FAM13A: variants seen among roughly 807,000 people sequenced by gnomAD.
The protein encoded by FAM13A is protein FAM13A.
Under a neutral mutation model 129.6 loss-of-function variants are expected in FAM13A, and 76 were observed. That is an observed-to-expected ratio of 0.59 (90% CI 0.49 to 0.71). The LOEUF is 0.71. Among genes scored for constraint, FAM13A ranks in the 30% least tolerant of loss-of-function variants. The probability of loss-of-function intolerance (pLI) is 0.00; values close to 1 mark genes in which losing one functional copy is unlikely to be tolerated. For missense variants in FAM13A, 1,108 were observed against 1,249.3 expected (o/e 0.89, Z 1.70); for synonymous variants, 443 against 449.9 (o/e 0.98, Z 0.20).
rs1436675636 is a variant in FAM13A at position 88,727,911 on chromosome 4, C to CT, written c.*621dup. On this transcript the variant is annotated 3_prime_UTR_variant, in exon 24 of 24. Coordinates refer to ENST00000264344, the MANE Select transcript of FAM13A (RefSeq NM_014883.4). ...TGAAGAAACATCCTGAAGATGATGA[C>CT]TGCACTGCCATCGTGGGCAGATGCA... 1 of 152,672 alleles carries CT rather than the reference C, an allele frequency of 6.5e-6. No individual in the cohort carries two copies. Among genetic ancestry groups the CT allele is most frequent in the Non-Finnish European group, 1.5e-5 (1 of 68,136 alleles). The allele number at this position is 152,672 out of a possible 1,614,324, so 9.5% of individuals were successfully genotyped here.
intron 7 of FAM13A, among the ~76,000 whole-genome samples, chr4:88,808,290 G>C (rs960325811): frequency 6.6e-6 from 1 of 151,898 alleles, no homozygotes; most frequent in Non-Finnish European, 1.5e-5. Context: ...AAATGGCCAC[G>C]GACAATTCTT....
intron 14 of FAM13A, among the ~76,000 whole-genome samples, chr4:88,757,440 G>C (rs1219094636): frequency 2.0e-5 from 3 of 151,900 alleles, no homozygotes; most frequent in Non-Finnish European, 4.4e-5. Context: ...GGACTTTTTT[G>C]GGGGGAGGTG....
Position 88,805,181 on chromosome 4 carries a change from T to A in FAM13A, c.1008-129A>T. ...AAGCCAATCACATGATGGAATAAGG[T>A]TAGTAAAACATGATCCACCTCGGAC... On this transcript the variant is annotated intron_variant, in intron 7 of 23. Coordinates refer to ENST00000264344, the MANE Select transcript of FAM13A (RefSeq NM_014883.4). 3 of 624,788 alleles carry A rather than the reference T, an allele frequency of 4.8e-6. No individual in the cohort carries two copies. In the South Asian group the frequency reaches 5.7e-5, roughly 12 times the overall value. The allele number at this position is 624,788 out of a possible 1,614,324, so 38.7% of individuals were successfully genotyped here.
intron 4 of FAM13A, among the ~76,000 whole-genome samples, chr4:88,968,304 A>G (rs1010014394): frequency 1.3e-5 from 2 of 152,218 alleles, no homozygotes; most frequent in African/African-American, 4.8e-5. Flanking sequence ...CACACCTTCT[A>G]AAGTTTCAAC....
chr4:88,751,629 C>T (rs756175501), intron 14 of FAM13A, among the ~76,000 whole-genome samples: 1 of 151,180 alleles, frequency 6.6e-6, no homozygotes, highest in Admixed American at 6.6e-5. Flanking sequence ...AAAAAAAACA[C>T]GCTCAGCACA....
chr4:89,036,842 C>T (rs1268122370), intron 1 of FAM13A, among the ~76,000 whole-genome samples: 1 of 152,214 alleles, frequency 6.6e-6, no homozygotes, highest in Admixed American at 6.5e-5. Context: ...GGCCACTGCT[C>T]CAGAGGGTAC....
chr4:88,876,738 C>T (rs1202045128), intron 6 of FAM13A, among the ~76,000 whole-genome samples: 2 of 152,040 alleles, frequency 1.3e-5, no homozygotes, highest in African/African-American at 2.4e-5. Flanking sequence ...ACTACAGGTG[C>T]CTGCCACCAC....
chr4:88,782,037 T>C (rs1723055790), intron 10 of FAM13A, among the ~76,000 whole-genome samples: 1 of 151,844 alleles, frequency 6.6e-6, no homozygotes, highest in Non-Finnish European at 1.5e-5. Context: ...AAGAAATGTG[T>C]ATTTCAATCT....
At chr4:88,828,045 T>C (rs1733312690) in intron 7 of FAM13A, among the ~76,000 whole-genome samples, 1 of 152,234 alleles carries the variant, frequency 6.6e-6, no homozygotes, top group Non-Finnish European at 1.5e-5. Context: ...TTGCTCATGC[T>C]GTTCCCTCTG....
chr4:88,832,285 T>C (rs374231185), intron 7 of FAM13A, among the ~76,000 whole-genome samples: 154 of 152,268 alleles, frequency 1.0e-3, no homozygotes, highest in African/African-American at 3.3e-3. Flanking sequence ...ATAAAATCCC[T>C]AGAAGAAAAT....
chr4:88,745,341 T>C (rs1741098782), intron 19 of FAM13A, among the ~76,000 whole-genome samples: 1 of 152,190 alleles, frequency 6.6e-6, no homozygotes. Flanking sequence ...TCTACGTGTC[T>C]GACCCAGTCC....
At chr4:88,950,020 C>A (rs1756674043) in intron 4 of FAM13A, among the ~76,000 whole-genome samples, 1 of 152,048 alleles carries the variant, frequency 6.6e-6, no homozygotes, top group Non-Finnish European at 1.5e-5. Context: ...TTTTCAAATA[C>A]CCTTAGGTTT....
chr4:89,031,566 G>T (rs1444691211), intron 1 of FAM13A, among the ~76,000 whole-genome samples: 1 of 152,168 alleles, frequency 6.6e-6, no homozygotes, highest in South Asian at 2.1e-4. Context: ...TAAGAACAGT[G>T]CCTGGCATAC....
chr4:89,043,226 G>C (rs1770391769), intron 1 of FAM13A, among the ~76,000 whole-genome samples: 1 of 152,166 alleles, frequency 6.6e-6, no homozygotes, highest in South Asian at 2.1e-4. Context: ...AGAAGGTACA[G>C]AAAATACCTA....
chr4:89,008,995 C>T (rs1207439448), intron 3 of FAM13A: 1 of 151,962 alleles, frequency 6.6e-6, no homozygotes, highest in African/African-American at 2.4e-5. Flanking sequence ...CGTCACGGCC[C>T]CCAAATAATC....
intron 3 of FAM13A, among the ~76,000 whole-genome samples, chr4:88,998,080 G>A (rs1763792194): frequency 6.6e-6 from 1 of 152,086 alleles, no homozygotes; most frequent in Non-Finnish European, 1.5e-5. Flanking sequence ...ATGAGTCTGG[G>A]AGTAGATTCC....
intron 1 of FAM13A, among the ~76,000 whole-genome samples, chr4:89,049,344 A>C (rs990525549): frequency 2.7e-4 from 41 of 152,202 alleles, no homozygotes; most frequent in African/African-American, 9.2e-4. Context: ...GTGTTAAGTG[A>C]AGACTCACTT....
intron 1 of FAM13A, among the ~76,000 whole-genome samples, chr4:89,032,479 T>C (rs1299356373): frequency 6.6e-6 from 1 of 152,140 alleles, no homozygotes; most frequent in African/African-American, 2.4e-5. Context: ...TTAGGGGCCT[T>C]CTAATTCTTA....
intron 6 of FAM13A, among the ~76,000 whole-genome samples, chr4:88,869,693 G>A (rs1346730338): frequency 1.3e-5 from 2 of 152,160 alleles, no homozygotes; most frequent in Non-Finnish European, 2.9e-5. Flanking sequence ...AAGATTCCAT[G>A]TATCAACTTC....
Sources: gnomAD v4.1 joint callset for allele counts (sites outside exome capture counted in the v4.1 genomes callset) on GRCh38, gnomAD v4.1.1 for gene constraint, MANE v1.5 for transcripts, NCBI Gene and HGNC (gene_info 2026-07-23, HGNC 2026-07-21) for gene names.